EXOC6B: variants seen among roughly 807,000 people sequenced by gnomAD.
The protein encoded by EXOC6B is SEC15 homolog B.
Under a neutral mutation model 113.5 loss-of-function variants are expected in EXOC6B, and 54 were observed. The observed-to-expected ratio is 0.48, with a 90% CI of 0.38 to 0.60. The LOEUF (loss-of-function observed/expected upper bound fraction) is 0.60, where lower values mean the gene tolerates loss of function less well. Among genes scored for constraint, EXOC6B ranks in the 20% least tolerant of loss-of-function variants. The pLI is 0.00. For synonymous variants in EXOC6B, 357 were observed against 339.0 expected (o/e 1.05, Z -0.58); for missense variants, 797 against 977.5 (o/e 0.82, Z 2.46).
chr2:72,508,547 G>A (rs996821001), intron 11 of EXOC6B, among the ~76,000 whole-genome samples: 2 of 152,066 alleles, frequency 1.3e-5, no homozygotes, highest in African/African-American at 2.4e-5. Context: ...CGAGGTAGGC[G>A]AATCACCTGA....
chr2:72,360,110 T>C (rs1297928310), intron 19 of EXOC6B, among the ~76,000 whole-genome samples: 1 of 151,860 alleles, frequency 6.6e-6, no homozygotes, highest in Non-Finnish European at 1.5e-5. Flanking sequence ...TTTTTTCAGA[T>C]GGGGTCTTGC....
intron 6 of EXOC6B, among the ~76,000 whole-genome samples, chr2:72,578,903 G>A (rs1404928536): frequency 6.6e-6 from 1 of 152,086 alleles, no homozygotes; most frequent in Non-Finnish European, 1.5e-5. Context: ...AATAACAGGA[G>A]ATAAAGATGC....
intron 6 of EXOC6B, among the ~76,000 whole-genome samples, chr2:72,666,613 T>C (rs1480123447): frequency 1.3e-5 from 2 of 152,156 alleles, no homozygotes; most frequent in Admixed American, 6.5e-5. Context: ...TATATGATTA[T>C]ATACTTAGCA....
At chr2:72,266,282 G>T (rs1180286283) in intron 20 of EXOC6B, among the ~76,000 whole-genome samples, 22 of 150,132 alleles carry the variant, frequency 1.5e-4, no homozygotes, top group South Asian at 1.1e-3. Context: ...GTCAATTTTG[G>T]CTTTTGTTGC....
chr2:72,220,537 T>G (rs1573023073), intron 20 of EXOC6B, among the ~76,000 whole-genome samples: 1 of 152,218 alleles, frequency 6.6e-6, no homozygotes, highest in South Asian at 2.1e-4. Flanking sequence ...TGTGTGGTTC[T>G]GGCCACTAAA....
intron 8 of EXOC6B, among the ~76,000 whole-genome samples, chr2:72,547,525 G>C (rs550705899): frequency 1.1e-4 from 16 of 152,096 alleles, no homozygotes; most frequent in Non-Finnish European, 2.2e-4. Context: ...CACAAACTAA[G>C]CTTATGGATA....
intron 20 of EXOC6B, among the ~76,000 whole-genome samples, chr2:72,313,160 T>C (rs960115060): frequency 2.0e-5 from 3 of 151,726 alleles, no homozygotes; most frequent in African/African-American, 7.3e-5. Context: ...GGGTAACACA[T>C]GGATACACAG....
At chr2:72,515,267 C>A in intron 8 of EXOC6B, 141 bp from the exon 9 acceptor site, 1 of 920,412 alleles carries the variant, frequency 1.1e-6, no homozygotes. Flanking sequence ...TTGATGATAA[C>A]AATAGAAAAT....
chr2:72,766,067 C>T (rs1050592256), intron 1 of EXOC6B, among the ~76,000 whole-genome samples: 5 of 152,160 alleles, frequency 3.3e-5, no homozygotes, highest in Admixed American at 6.5e-5. Flanking sequence ...TCAGAGAAGC[C>T]AACAGAATGT....
intron 20 of EXOC6B, among the ~76,000 whole-genome samples, chr2:72,225,793 A>G (rs990419417): frequency 1.3e-5 from 2 of 152,180 alleles, no homozygotes; most frequent in African/African-American, 4.8e-5. Flanking sequence ...TTTCTTATCC[A>G]TATATAAAGC....
At chr2:72,234,887 A>C (rs1348904085) in intron 20 of EXOC6B, among the ~76,000 whole-genome samples, 2 of 152,142 alleles carry the variant, frequency 1.3e-5, no homozygotes, top group Non-Finnish European at 2.9e-5. Context: ...AAAAGTAAAA[A>C]ACAAAAAAAA....
chr2:72,180,134 T>C (rs41412), intron 21 of EXOC6B, among the ~76,000 whole-genome samples: 47,199 of 152,104 alleles, frequency 0.31, 8,005 homozygotes, highest in African/African-American at 0.42. Flanking sequence ...TCTCACTCCA[T>C]AAACCAGAGC....
chr2:72,410,970 A>G (rs1051305909), intron 18 of EXOC6B, among the ~76,000 whole-genome samples: 7 of 152,342 alleles, frequency 4.6e-5, no homozygotes, highest in Admixed American at 4.6e-4. Context: ...GTACTTTGGG[A>G]GGCCAAGGCC....
intron 20 of EXOC6B, among the ~76,000 whole-genome samples, chr2:72,270,417 A>G (rs1244554277): frequency 6.6e-6 from 1 of 152,154 alleles, no homozygotes; most frequent in Non-Finnish European, 1.5e-5. Flanking sequence ...TAATAGGGAC[A>G]ATGCTAGATG....
intron 19 of EXOC6B, among the ~76,000 whole-genome samples, chr2:72,345,657 C>T (rs1689284953): frequency 6.6e-6 from 1 of 151,894 alleles, no homozygotes; most frequent in Non-Finnish European, 1.5e-5. Flanking sequence ...AGGATCAGAG[C>T]TTGCTAGGGG....
At chr2:72,528,868 G>A (rs2105746397) in intron 8 of EXOC6B, among the ~76,000 whole-genome samples, 1 of 152,160 alleles carries the variant, frequency 6.6e-6, no homozygotes, top group African/African-American at 2.4e-5. Context: ...ATTGATTGAT[G>A]TATGTTATCC....
intron 18 of EXOC6B, among the ~76,000 whole-genome samples, chr2:72,421,013 T>G (rs1257205710): frequency 6.6e-6 from 1 of 152,232 alleles, no homozygotes; most frequent in Non-Finnish European, 1.5e-5. Context: ...TTTCATATGT[T>G]TGTTGGCTGC....
intron 18 of EXOC6B, among the ~76,000 whole-genome samples, chr2:72,434,116 G>A (rs916125844): frequency 1.3e-5 from 2 of 152,076 alleles, no homozygotes; most frequent in Non-Finnish European, 2.9e-5. Context: ...AGCATGAAGG[G>A]GTGCTGAATT....
intron 6 of EXOC6B, among the ~76,000 whole-genome samples, chr2:72,621,760 C>G (rs896537440): frequency 1.3e-5 from 2 of 152,048 alleles, no homozygotes; most frequent in South Asian, 4.1e-4. Context: ...TACATTAATA[C>G]AGATGAATCA....
Sources: gnomAD v4.1 joint callset for allele counts (sites outside exome capture counted in the v4.1 genomes callset) on GRCh38, gnomAD v4.1.1 for gene constraint, MANE v1.5 for transcripts, NCBI Gene and HGNC (gene_info 2026-07-23, HGNC 2026-07-21) for gene names.